The following VAMP7 variants were observed in gnomAD, a reference collection of about 807,000 sequenced individuals.
VAMP7 encodes the protein vesicle-associated membrane protein 7.
Under a neutral mutation model 29.6 loss-of-function variants are expected in VAMP7, and 14 were observed. The ratio of observed to expected loss-of-function variants is 0.47; its 90% CI spans 0.31 to 0.74. The LOEUF is 0.74. Ranked by LOEUF, VAMP7 falls within the 30% of genes least tolerant of loss-of-function variation. VAMP7 has a pLI of 0.05. For synonymous variants in VAMP7, 95 were observed against 88.1 expected (o/e 1.08, Z -0.44); for missense variants, 223 against 262.4 (o/e 0.85, Z 1.04).
chrX:155,910,665 G>T (rs1433441751), intron 5 of VAMP7, among the ~76,000 whole-genome samples: 1 of 150,622 alleles, frequency 6.6e-6, no homozygotes, highest in Non-Finnish European at 1.5e-5. Context: ...GGGGTAACAT[G>T]ATATCTCATT....
intron 2 of VAMP7, 131 bp downstream of exon 2, chrX:155,889,743 C>A: frequency 2.0e-6 from 2 of 991,070 alleles, no homozygotes; most frequent in Non-Finnish European, 2.8e-6. Context: ...GTAACCTTCA[C>A]CAACTTAGAA....
intron 1 of VAMP7, among the ~76,000 whole-genome samples, chrX:155,887,529 A>G (rs1442517584): frequency 6.6e-6 from 1 of 152,154 alleles, no homozygotes; most frequent in African/African-American, 2.4e-5. Flanking sequence ...TGGTGACCTT[A>G]GGAAGCATGG....
intron 1 of VAMP7, among the ~76,000 whole-genome samples, chrX:155,887,149 GTCC>G (rs2065874825): frequency 6.6e-6 from 1 of 151,916 alleles, no homozygotes; most frequent in Non-Finnish European, 1.5e-5. Flanking sequence ...TTCCCATTTG[GTCC>G]TCCTCAGTCT....
chrX:155,901,508 T>G (rs1334070932), intron 5 of VAMP7, among the ~76,000 whole-genome samples: 3 of 152,112 alleles, frequency 2.0e-5, no homozygotes, highest in African/African-American at 7.2e-5. Flanking sequence ...TTTAGAGTTA[T>G]AGAAACAGCA....
At chrX:155,887,747 G>C (rs1353642748) in intron 1 of VAMP7, among the ~76,000 whole-genome samples, 1 of 151,648 alleles carries the variant, frequency 6.6e-6, no homozygotes, top group Non-Finnish European at 1.5e-5. Context: ...TGGGTGACAT[G>C]GTGAAACCCT....
chrX:155,940,954 A>C (rs1280836595), intron 7 of VAMP7, among the ~76,000 whole-genome samples: 1 of 152,156 alleles, frequency 6.6e-6, no homozygotes, highest in Non-Finnish European at 1.5e-5. Context: ...TCATCAATGC[A>C]TCCTTTTCCA....
At chrX:155,899,728 G>A (rs1256696747) in intron 4 of VAMP7, among the ~76,000 whole-genome samples, 4 of 152,012 alleles carry the variant, frequency 2.6e-5, no homozygotes, top group Non-Finnish European at 5.9e-5. Context: ...CAAAAGTAAA[G>A]GGTCAGCTAG....
chrX:155,940,029 G>C lies in VAMP7; in HGVS notation c.594+236G>C, dbSNP rs560741096. ...TCAATAGGAAGAGATCTATAAAACT[G>C]ACCTCACAGAAATGTAGTTATTTTA... On this transcript the variant is annotated intron_variant, in intron 7 of 7. Coordinates refer to ENST00000286448, the MANE Select transcript of VAMP7 (RefSeq NM_005638.6). 2.1e-3 allele frequency among the ~76,000 whole-genome samples: 317 copies of C among 151,126 alleles called. 3 individuals carry two copies. Among genetic ancestry groups the C allele is most frequent in the African/African-American group, 7.6e-3 (311 of 41,132 alleles).
rs768887885 is a variant in VAMP7, at chrX:155,941,946, A to G, written c.658A>G (p.Lys220Glu). The G allele has an allele frequency of 6.2e-7, 1 of 1,613,824 alleles. No individual in the cohort carries two copies. The change falls in exon 8 of 8, where the codon AAA (lysine) becomes GAA (glutamate). Residue 220 changes from lysine (K) to glutamate (E), a missense_variant. Physicochemically the swap from Lys to Glu is moderately conservative, Grantham distance 56. Transcript: ENST00000286448. ...GGFTWPSCVK[K>E] is the part of the protein sequence containing the mutation. ...ATTTACATGGCCAAGCTGTGTGAAG[A>G]AATAGGAAAGAAGAAGTTACCATTA...
intron 6 of VAMP7, among the ~76,000 whole-genome samples, chrX:155,933,333 T>C (rs1466293203): frequency 6.6e-6 from 1 of 152,216 alleles, no homozygotes; most frequent in Non-Finnish European, 1.5e-5. Context: ...CATCTGGTCC[T>C]GGACTTTTTT....
rs4893057 is a variant in VAMP7 at position 155,930,493 on chromosome X, A to C, written c.502-9208A>C. Among the ~76,000 whole-genome samples the C allele has an allele frequency of 8.3e-3, 567 of 68,208 alleles. 4 individuals carry two copies. The highest frequency in any genetic ancestry group is 0.031 in the Admixed American group (220 of 7,160). The allele number at this position is 68,208 out of a possible 152,430, so 44.7% of individuals were successfully genotyped here. On this transcript the variant is annotated intron_variant, in intron 6 of 7. Transcript: ENST00000286448. ...CCTTATCTCTACAAAACCAAACAAA[A>C]AAAAAAAAAAAATAGGTGTGATTGG...
intron 2 of VAMP7, among the ~76,000 whole-genome samples, chrX:155,892,988 G>A (rs1198528278): frequency 2.0e-5 from 3 of 151,766 alleles, no homozygotes. Flanking sequence ...CCTGACCTCA[G>A]GCAATCCGCC....
At chrX:155,887,918 A>G (rs2065883644) in intron 1 of VAMP7, among the ~76,000 whole-genome samples, 2 of 150,754 alleles carry the variant, frequency 1.3e-5, no homozygotes, top group African/African-American at 4.9e-5. Flanking sequence ...AGCTTGGGTG[A>G]CAGAGCAAGA....
In VAMP7 at chrX:155,939,794, G is replaced by A. The variant is rs779671087; in HGVS notation, c.594+1G>A. On this transcript the variant is annotated splice_donor_variant, in intron 7 of 7. Transcript: ENST00000286448. LOFTEE classifies it high-confidence loss of function. ...TATTATCATCATCATCGTATCAATT[G>A]TAAGTTTTTGTCCTTTTAGTGTATG... 6.2e-7 allele frequency: 1 copy of A among 1,610,572 alleles called. No individual in the cohort carries two copies. The highest frequency in any genetic ancestry group is 8.5e-7 in the Non-Finnish European group (1 of 1,176,934).
At chrX:155,920,215 A>G (rs2066375504) in intron 6 of VAMP7, among the ~76,000 whole-genome samples, 1 of 152,218 alleles carries the variant, frequency 6.6e-6, no homozygotes, top group Non-Finnish European at 1.5e-5. Flanking sequence ...AACATGAAAC[A>G]AATGTGCAAG....
At chrX:155,898,288 C>T (rs757543399) in intron 4 of VAMP7, 39 bp downstream of exon 4, 1 of 1,606,002 alleles carries the variant, frequency 6.2e-7, no homozygotes, top group African/African-American at 1.3e-5. Flanking sequence ...TGATTTATAT[C>T]TTCTTCATTA....
At position 155,898,030 on chromosome X, in the gene VAMP7, C is replaced by T; in HGVS notation, c.205-82C>T. 3.3e-6 allele frequency: 5 copies of T among 1,512,486 alleles called. No individual in the cohort carries two copies. The South Asian group carries it at 5.1e-5, about 15-fold the overall frequency. 93.7% of individuals were successfully genotyped at this position (1,512,486 alleles called of 1,614,324 possible). ...ATAATCATTGCTCAGTAAATGTTAGCTGTTTTTTATTGTTGTTCTTAATCA... is the reference window on the plus strand; with the variant it reads ...ATAATCATTGCTCAGTAAATGTTAGTTGTTTTTTATTGTTGTTCTTAATCA... On this transcript the variant is annotated intron_variant, in intron 3 of 7. Coordinates refer to ENST00000286448, the MANE Select transcript of VAMP7 (RefSeq NM_005638.6).
intron 6 of VAMP7, among the ~76,000 whole-genome samples, chrX:155,927,275 G>A (rs144486415): frequency 1.3e-5 from 2 of 151,786 alleles, no homozygotes; most frequent in Non-Finnish European, 2.9e-5. Flanking sequence ...TGTAGATAAC[G>A]GGTTGATGGG....
At chrX:155,887,949 AAAAAG>A (rs1394524086) in intron 1 of VAMP7, among the ~76,000 whole-genome samples, 5 of 151,888 alleles carry the variant, frequency 3.3e-5, no homozygotes, top group Admixed American at 3.3e-4. Context: ...AAAAAAAAAA[AAAAAG>A]AAAAGAAACA....
Sources: allele counts gnomAD v4.1 joint callset (sites outside exome capture counted in the v4.1 genomes callset), GRCh38; gene constraint gnomAD v4.1.1; transcripts MANE v1.5; gene names NCBI Gene and HGNC (gene_info 2026-07-23, HGNC 2026-07-21).